Variants in HMBOX1 observed in about 807,000 individuals in gnomAD.
The protein encoded by HMBOX1 is homeobox containing 1.
Under a neutral mutation model 54.5 loss-of-function variants are expected in HMBOX1, and 14 were observed. The observed-to-expected ratio is 0.26, with a 90% confidence interval of 0.17 to 0.40. HMBOX1 has a LOEUF of 0.40. Ranked by LOEUF, HMBOX1 falls within the 10% of genes least tolerant of loss-of-function variation. The probability of loss-of-function intolerance (pLI) is 1.00; values close to 1 mark genes in which losing one functional copy is unlikely to be tolerated. For synonymous variants in HMBOX1, 160 were observed against 181.0 expected (o/e 0.88, Z 0.93); for missense variants, 332 against 514.4 (o/e 0.65, Z 3.43).
At chr8:29,016,672 A>G (rs1586504060) in intron 5 of HMBOX1, among the ~76,000 whole-genome samples, 1 of 152,204 alleles carries the variant, frequency 6.6e-6, no homozygotes, top group African/African-American at 2.4e-5. Context: ...TGGATGGTCC[A>G]CTTGGAAACT....
At chr8:29,003,700 G>T (rs28363877) in intron 4 of HMBOX1, among the ~76,000 whole-genome samples, 2 of 150,814 alleles carry the variant, frequency 1.3e-5, no homozygotes, top group East Asian at 2.0e-4. Flanking sequence ...TTTTATCTGC[G>T]TGCATTTATG....
chr8:28,912,552 T>C (rs887570095), intron 1 of HMBOX1, among the ~76,000 whole-genome samples: 1 of 152,208 alleles, frequency 6.6e-6, no homozygotes, highest in Non-Finnish European at 1.5e-5. Flanking sequence ...TCGCTAAAAT[T>C]CATGGACAAA....
chr8:29,018,405 C>T (rs1800654778), intron 5 of HMBOX1, among the ~76,000 whole-genome samples: 1 of 151,916 alleles, frequency 6.6e-6, no homozygotes, highest in African/African-American at 2.4e-5. Context: ...AGTTAGTAGA[C>T]AAAAAGCATA....
At chr8:28,978,691 G>A (rs2132455108) in intron 3 of HMBOX1, among the ~76,000 whole-genome samples, 1 of 150,566 alleles carries the variant, frequency 6.6e-6, no homozygotes, top group South Asian at 2.1e-4. Flanking sequence ...GGTGGCTGAA[G>A]CAGGAGAATT....
At chr8:28,943,593 T>C (rs913222366) in intron 1 of HMBOX1, among the ~76,000 whole-genome samples, 3 of 152,206 alleles carry the variant, frequency 2.0e-5, no homozygotes, top group African/African-American at 7.2e-5. Flanking sequence ...TCTGCTGTTT[T>C]TCTAGTGCCC....
intron 2 of HMBOX1, among the ~76,000 whole-genome samples, chr8:28,966,754 CTGTT>C (rs1826503807): frequency 6.6e-6 from 1 of 152,122 alleles, no homozygotes; most frequent in African/African-American, 2.4e-5. Flanking sequence ...TGCTTTGATC[CTGTT>C]TGTTATGCTC....
intron 1 of HMBOX1, among the ~76,000 whole-genome samples, chr8:28,919,583 T>C (rs1455990247): frequency 6.6e-6 from 1 of 152,186 alleles, no homozygotes; most frequent in Non-Finnish European, 1.5e-5. Context: ...TAGCTGCAGA[T>C]TTCCATAGTT....
chr8:28,949,441 A>G (rs1270950832), intron 1 of HMBOX1, among the ~76,000 whole-genome samples: 2 of 152,246 alleles, frequency 1.3e-5, no homozygotes, highest in African/African-American at 4.8e-5. Flanking sequence ...TATCAAGAAC[A>G]AAGCCTATTT....
intron 1 of HMBOX1, among the ~76,000 whole-genome samples, chr8:28,947,494 A>G (rs1822679347): frequency 6.6e-6 from 1 of 152,188 alleles, no homozygotes; most frequent in Non-Finnish European, 1.5e-5. Flanking sequence ...CTCGCTACCT[A>G]GTAAATTGAC....
intron 4 of HMBOX1, among the ~76,000 whole-genome samples, chr8:28,995,622 A>G (rs752966509): frequency 3.3e-5 from 5 of 152,182 alleles, no homozygotes; most frequent in African/African-American, 7.2e-5. Context: ...GACATTTCCA[A>G]TTTCTTCACA....
intron 4 of HMBOX1, among the ~76,000 whole-genome samples, chr8:28,987,850 A>C (rs965673288): frequency 6.6e-6 from 1 of 152,222 alleles, no homozygotes; most frequent in Admixed American, 6.5e-5. Context: ...GACTGTGTCA[A>C]CTTCAGCTAA....
intron 3 of HMBOX1, among the ~76,000 whole-genome samples, chr8:28,975,535 T>G (rs2132418272): frequency 6.6e-6 from 1 of 152,242 alleles, no homozygotes; most frequent in South Asian, 2.1e-4. Flanking sequence ...AAGGAAGAAT[T>G]TCATCCTGGT....
intron 1 of HMBOX1, among the ~76,000 whole-genome samples, chr8:28,953,880 C>A (rs1823947497): frequency 6.6e-6 from 1 of 152,100 alleles, no homozygotes; most frequent in African/African-American, 2.4e-5. Context: ...TTTTAAAGAA[C>A]CACCAGTTAA....
intron 4 of HMBOX1, among the ~76,000 whole-genome samples, chr8:28,987,789 T>C (rs1300244953): frequency 6.6e-6 from 1 of 152,184 alleles, no homozygotes; most frequent in Non-Finnish European, 1.5e-5. Context: ...CTATAAAATT[T>C]TGAAGCAATG....
intron 4 of HMBOX1, among the ~76,000 whole-genome samples, chr8:28,989,492 C>T (rs947565244): frequency 6.6e-6 from 1 of 151,950 alleles, no homozygotes; most frequent in Admixed American, 6.6e-5. Flanking sequence ...CGTTTGATTA[C>T]TTTGTTATCT....
rs71222583 is a variant in HMBOX1, at chr8:28,973,803, G to GTTTTTTTTTTTTTTTTTTTTTTTT, written c.500+3292_500+3315dup. 4.4e-4 allele frequency among the ~76,000 whole-genome samples: 32 copies of GTTTTTTTTTTTTTTTTTTTTTTTT among 72,654 alleles called. 5 individuals are homozygous for GTTTTTTTTTTTTTTTTTTTTTTTT. Among genetic ancestry groups the GTTTTTTTTTTTTTTTTTTTTTTTT allele is most frequent in the Non-Finnish European group, 5.9e-4 (23 of 38,950 alleles). 47.7% of individuals were successfully genotyped at this position (72,654 alleles called of 152,430 possible). On this transcript the variant is annotated intron_variant, in intron 3 of 9. Coordinates refer to ENST00000287701, the MANE Select transcript of HMBOX1 (RefSeq NM_001135726.3). ...TAATAATTTCGAGATACATAATGGA[G>GTTTTTTTTTTTTTTTTTTTTTTTT]TTTTTTTTTTTTTTTTTTTTTTTTT...
chr8:29,047,962 G>T (rs1805847982), intron 8 of HMBOX1, among the ~76,000 whole-genome samples: 1 of 152,060 alleles, frequency 6.6e-6, no homozygotes, highest in Non-Finnish European at 1.5e-5. Flanking sequence ...TAGTGTAATG[G>T]TAATGACATT....
intron 1 of HMBOX1, among the ~76,000 whole-genome samples, chr8:28,906,798 A>G (rs1407396209): frequency 2.0e-5 from 3 of 152,004 alleles, no homozygotes; most frequent in Non-Finnish European, 4.4e-5. Context: ...ACCATATTGA[A>G]CCAGGCTTGT....
chr8:28,984,844 G>T (rs902497518), intron 4 of HMBOX1, among the ~76,000 whole-genome samples: 1 of 152,122 alleles, frequency 6.6e-6, no homozygotes, highest in Admixed American at 6.5e-5. Context: ...AATGGGCAGA[G>T]CTTGATCAGC....
Sources: gnomAD v4.1 joint callset for allele counts (sites outside exome capture counted in the v4.1 genomes callset) on GRCh38, gnomAD v4.1.1 for gene constraint, MANE v1.5 for transcripts, NCBI Gene and HGNC (gene_info 2026-07-23, HGNC 2026-07-21) for gene names.